ZC3H18: variants seen among roughly 807,000 people sequenced by gnomAD.
ZC3H18 encodes the protein zinc finger CCCH domain-containing protein 18.
Under a neutral mutation model 106.1 loss-of-function variants are expected in ZC3H18, and 8 were observed. The ratio of observed to expected loss-of-function variants is 0.08; its 90% confidence interval spans 0.04 to 0.14. The LOEUF is 0.14. Among genes scored for constraint, ZC3H18 ranks in the 10% least tolerant of loss-of-function variants. ZC3H18 has a pLI of 1.00. For missense variants in ZC3H18, 1,318 were observed against 1,278.4 expected (o/e 1.03, Z -0.47); for synonymous variants, 635 against 522.1 (o/e 1.22, Z -2.95).
chr16:88,574,853 G>A (rs1382055694), intron 1 of ZC3H18, among the ~76,000 whole-genome samples: 11 of 139,798 alleles, frequency 7.9e-5, no homozygotes, highest in South Asian at 4.5e-4. Flanking sequence ...TTTTTGAGAC[G>A]GAGTCTCGCT....
Position 88,624,711 on chromosome 16 carries a change from A to G in ZC3H18, c.2008A>G (p.Arg670Gly). ...TKPGDPREAR[R>G]KERPARTPPR... The stretch of plus-strand genomic sequence containing the variant: ...GCCAGGAGACCCTCGGGAAGCCAGG[A>G]GGAAGGAGCGGCCAGCCAGGACCCC... The change falls in exon 12 of 18, where the codon AGG (arginine) becomes GGG (glycine). Residue 670 changes from arginine (R) to glycine (G), a missense_variant. This residue lies in a region of ZC3H18 where 848 missense variants were observed against 821.7 expected (regional missense o/e 1.03). Coordinates refer to ENST00000301011, the MANE Select transcript of ZC3H18 (RefSeq NM_144604.4). The G allele has an allele frequency of 6.2e-7, 1 of 1,613,326 alleles. No individual in the cohort carries two copies. Among genetic ancestry groups the G allele is most frequent in the Non-Finnish European group, 8.5e-7 (1 of 1,179,848 alleles).
intron 3 of ZC3H18, chr16:88,587,435 G>A (rs1461895911): frequency 2.1e-6 from 2 of 937,486 alleles, no homozygotes; most frequent in Non-Finnish European, 3.2e-6. Context: ...GTAGGAAGGT[G>A]TTTTTCTCTT....
At chr16:88,584,970 A>G (rs1224533162) in intron 2 of ZC3H18, among the ~76,000 whole-genome samples, 2 of 152,248 alleles carry the variant, frequency 1.3e-5, no homozygotes, top group African/African-American at 4.8e-5. Flanking sequence ...TCTCATGGGA[A>G]CAAAGAATGT....
rs770863773 is a variant in ZC3H18 at position 88,599,903 on chromosome 16, T to C, written c.1043T>C (p.Phe348Ser). 6.2e-7 allele frequency: 1 copy of C among 1,614,222 alleles called. No individual in the cohort carries two copies. Among genetic ancestry groups the C allele is most frequent in the South Asian group, 1.1e-5 (1 of 91,086 alleles). Residue 348 changes from phenylalanine (F) to serine (S), a missense_variant, in exon 6 of 18, where the codon TTT (phenylalanine) becomes TCT (serine). Physicochemically the swap from Phe to Ser is radical, Grantham distance 155. This residue lies in a region of ZC3H18 where 848 missense variants were observed against 821.7 expected (regional missense o/e 1.03). Coordinates refer to ENST00000301011, the MANE Select transcript of ZC3H18 (RefSeq NM_144604.4). ...EREFDKENEV[F>S]RDWNSRIPRD... is the part of the protein sequence containing the mutation. The stretch of plus-strand genomic sequence containing the variant: ...GAATTTGACAAAGAAAATGAAGTTT[T>C]TCGAGATTGGAATTCTCGGATCCCG...
intron 6 of ZC3H18, among the ~76,000 whole-genome samples, chr16:88,605,604 G>C (rs1419300970): frequency 1.3e-5 from 2 of 152,238 alleles, no homozygotes; most frequent in Non-Finnish European, 2.9e-5. Flanking sequence ...AACCTGAATT[G>C]TGCAAATGCA....
chr16:88,571,095 C>T (rs1275100352), intron 1 of ZC3H18, among the ~76,000 whole-genome samples: 1 of 152,228 alleles, frequency 6.6e-6, no homozygotes, highest in African/African-American at 2.4e-5. Flanking sequence ...TATGTAACTT[C>T]CTTGCCCCTT....
chr16:88,624,834 G>A lies in ZC3H18; in HGVS notation c.2042+89G>A, dbSNP rs550818539. The A allele has an allele frequency of 2.2e-4, 325 of 1,477,988 alleles. 2 individuals are homozygous for A. The Middle Eastern group carries it at 4.7e-3, about 22-fold the overall frequency. The allele number at this position is 1,477,988 out of a possible 1,614,324, so 91.6% of individuals were successfully genotyped here. On this transcript the variant is annotated intron_variant, in intron 12 of 17. Coordinates refer to ENST00000301011, the MANE Select transcript of ZC3H18 (RefSeq NM_144604.4). ...CACTGCTGGAAATCCAGAGTGCCAGGGTCCAGAGCCAGGTGGTGGGAAGCG... is the reference window on the plus strand; with the variant it reads ...CACTGCTGGAAATCCAGAGTGCCAGAGTCCAGAGCCAGGTGGTGGGAAGCG...
In ZC3H18 at chr16:88,601,936, A is replaced by AC. The variant is rs555401860; in HGVS notation, c.1088+1994dup. Reference sequence around the variant, plus strand: ...TCAGGGTTCTGCCAGGAGGGTGGAGACCCCCCTATGATTGTCACAAAGAGC... The same window carrying AC: ...TCAGGGTTCTGCCAGGAGGGTGGAGACCCCCCCTATGATTGTCACAAAGAGC... On this transcript the variant is annotated intron_variant, in intron 6 of 17. Transcript: ENST00000301011. 4.0e-5 allele frequency among the ~76,000 whole-genome samples: 6 copies of AC among 150,852 alleles called. No individual in the cohort carries two copies. In the South Asian group the frequency reaches 1.1e-3, roughly 26 times the overall value.
At chr16:88,597,409 GA>G (rs1206790527) in intron 3 of ZC3H18, among the ~76,000 whole-genome samples, 2 of 152,092 alleles carry the variant, frequency 1.3e-5, no homozygotes, top group African/African-American at 4.8e-5. Context: ...TTAACCCATT[GA>G]AAAAAATTTT....
At chr16:88,580,365 G>A (rs989378354) in intron 2 of ZC3H18, among the ~76,000 whole-genome samples, 8 of 152,064 alleles carry the variant, frequency 5.3e-5, no homozygotes, top group African/African-American at 1.7e-4. Flanking sequence ...GCACATTGAA[G>A]GTGAGAACCT....
intron 6 of ZC3H18, among the ~76,000 whole-genome samples, chr16:88,606,239 A>T (rs1905004597): frequency 6.6e-6 from 1 of 152,236 alleles, no homozygotes; most frequent in Non-Finnish European, 1.5e-5. Context: ...AATTCATTTC[A>T]AGAGTGTTTC....
intron 2 of ZC3H18, among the ~76,000 whole-genome samples, chr16:88,583,418 C>T (rs189040809): frequency 6.4e-4 from 97 of 152,336 alleles, no homozygotes; most frequent in Admixed American, 3.0e-3. Context: ...TTCCTTCAGC[C>T]CACATCACCC....
Position 88,625,272 on chromosome 16 carries a change from T to C in ZC3H18, c.2108+5T>C. On this transcript the variant is annotated splice_donor_5th_base_variant and intron_variant, in intron 13 of 17. Coordinates refer to ENST00000301011, the MANE Select transcript of ZC3H18 (RefSeq NM_144604.4). ...TGGTTCCAGCTCCCGATCCAGGTCA[T>C]CCCCATCACCCTGTGCCTCTGTTTC... 1 of 1,584,346 alleles carries C rather than the reference T, an allele frequency of 6.3e-7. No individual in the cohort carries two copies. Among genetic ancestry groups the C allele is most frequent in the Non-Finnish European group, 8.6e-7 (1 of 1,165,358 alleles).
intron 3 of ZC3H18, among the ~76,000 whole-genome samples, chr16:88,588,521 G>C (rs1427115194): frequency 2.6e-5 from 4 of 152,018 alleles, no homozygotes; most frequent in African/African-American, 7.2e-5. Context: ...TTCATTGGGA[G>C]ATGCCTGGAT....
At chr16:88,571,274 CAACGCT>C (rs1382254914) in intron 1 of ZC3H18, among the ~76,000 whole-genome samples, 1 of 152,202 alleles carries the variant, frequency 6.6e-6, no homozygotes, top group Non-Finnish European at 1.5e-5. Flanking sequence ...TTTGTTCGAA[CAACGCT>C]AACTCATTTG....
chr16:88,630,767 C>CCCCCCCCCCCCCCCCCCCCCCCCCG (rs1906632964), intron 17 of ZC3H18, among the ~76,000 whole-genome samples, 186 bp downstream of exon 17: 1 of 89,480 alleles, frequency 1.1e-5, no homozygotes, highest in African/African-American at 4.0e-5. Context: ...CCCCCCCCCA[C>CCCCCCCCCCCCCCCCCCCCCCCCCG]ACACACACAC....
intron 3 of ZC3H18, among the ~76,000 whole-genome samples, chr16:88,591,572 C>CA (rs925298282): frequency 3.2e-3 from 361 of 113,296 alleles, no homozygotes; most frequent in Middle Eastern, 8.6e-3. Context: ...ACTCCGTCTC[C>CA]AAAAAAAAAA....
chr16:88,622,052 T>C (rs1905998153), intron 8 of ZC3H18, 145 bp from the exon 9 acceptor site: 1 of 1,000,312 alleles, frequency 1.0e-6, no homozygotes, highest in East Asian at 2.8e-5. Context: ...TGAGTGGCCT[T>C]TTTTCCCCTT....
chr16:88,578,083 C>T (rs140791560), intron 2 of ZC3H18, among the ~76,000 whole-genome samples: 1 of 152,200 alleles, frequency 6.6e-6, no homozygotes, highest in Non-Finnish European at 1.5e-5. Context: ...AAGTGATACT[C>T]AAGTTAACAC....
Sources: allele counts gnomAD v4.1 joint callset (sites outside exome capture counted in the v4.1 genomes callset), GRCh38; gene constraint gnomAD v4.1.1; regional missense constraint gnomAD v4.1.1; transcripts MANE v1.5; gene names NCBI Gene and HGNC (gene_info 2026-07-23, HGNC 2026-07-21).